The following RNF14 variants were observed in gnomAD, a reference collection of about 807,000 sequenced individuals.
The protein encoded by RNF14 is E3 ubiquitin-protein ligase RNF14.
Under a neutral mutation model 52.6 loss-of-function variants are expected in RNF14, and 26 were observed. The observed-to-expected ratio is 0.49, with a 90% CI of 0.36 to 0.69. The LOEUF (loss-of-function observed/expected upper bound fraction) is 0.69. Among genes scored for constraint, RNF14 ranks in the 30% least tolerant of loss-of-function variants. The probability of loss-of-function intolerance (pLI) is 0.00; values close to 1 mark genes in which losing one functional copy is unlikely to be tolerated. For synonymous variants in RNF14, 194 were observed against 202.0 expected (o/e 0.96, Z 0.34); for missense variants, 404 against 560.4 (o/e 0.72, Z 2.82).
At chr5:141,949,559 G>A in the RNF14 span, 1 of 1,614,034 alleles carries the variant, frequency 6.2e-7, no homozygotes, top group Non-Finnish European at 8.5e-7. Flanking sequence ...TTGCACTTGG[G>A]CCATCTGTGT....
Position 141,980,296 on chromosome 5 carries a change from C to T in RNF14, c.1008C>T (p.Phe336=). The T allele has an allele frequency of 6.2e-7, 1 of 1,614,234 alleles. No individual in the cohort carries two copies. The highest frequency in any genetic ancestry group is 8.5e-7 in the Non-Finnish European group (1 of 1,180,044). The change falls in exon 6 of 9, where the codon TTC becomes TTT. Residue 336 remains phenylalanine (F), a synonymous_variant. Transcript: ENST00000394520. The part of the protein sequence containing the change: ...MGICSSCNFA[F]CTLCRLTYHG... ...TCTGCTCCAGCTGCAATTTTGCCTT[C>T]TGTACTTTGTGCAGGTTGACCTACC...
intron 4 of RNF14, among the ~76,000 whole-genome samples, chr5:141,976,776 C>CTTTTTT (rs70991717): frequency 1.0e-5 from 1 of 100,080 alleles, no homozygotes; most frequent in African/African-American, 4.0e-5. Context: ...CTTTCTCTCT[C>CTTTTTT]TTTTTTTTTT....
At chr5:141,967,160 T>C (rs1753371361), upstream of RNF14, among the ~76,000 whole-genome samples, 1 of 152,234 alleles carries the variant, frequency 6.6e-6, no homozygotes, top group African/African-American at 2.4e-5. Context: ...TTGGGTGCCC[T>C]GATTTACTCA....
intron 7 of RNF14, among the ~76,000 whole-genome samples, chr5:141,984,419 CT>C (rs1330095445): frequency 2.6e-5 from 4 of 152,100 alleles, no homozygotes; most frequent in Non-Finnish European, 5.9e-5. Flanking sequence ...TTTGACATAC[CT>C]TAGCCCTATG....
chr5:141,957,635 G>T, upstream of RNF14: 1 of 1,614,206 alleles, frequency 6.2e-7, no homozygotes, highest in Non-Finnish European at 8.5e-7. This position sits in a 1 kb window ranked among gnomAD's most constrained non-coding sequence, Gnocchi z 4.3. Context: ...GGGAGCGCCT[G>T]AGGCAGCTGC....
intron 7 of RNF14, 143 bp from the exon 8 acceptor site, chr5:141,984,660 C>T: frequency 1.6e-6 from 1 of 615,210 alleles, no homozygotes; most frequent in Non-Finnish European, 2.8e-6. Flanking sequence ...ATTACATAGT[C>T]ATCAGTGTGT....
At chr5:141,984,425 C>G (rs1187769238) in intron 7 of RNF14, among the ~76,000 whole-genome samples, 2 of 152,056 alleles carry the variant, frequency 1.3e-5, no homozygotes, top group African/African-American at 2.4e-5. Flanking sequence ...ATACCTTAGC[C>G]CTATGACAGA....
chr5:141,957,600 G>T, upstream of RNF14: 1 of 1,614,220 alleles, frequency 6.2e-7, no homozygotes. The surrounding 1 kb of genome is among the most constrained non-coding windows in gnomAD (Gnocchi z 4.3). Context: ...TGCTGAGCAA[G>T]CCTTCCTCAG....
chr5:141,958,161 G>T, upstream of RNF14: 1 of 336,744 alleles, frequency 3.0e-6, no homozygotes, highest in Non-Finnish European at 5.4e-6. Context: ...ACCTGACCCA[G>T]TTGAGCAGGA....
At position 141,981,083 on chromosome 5, in the gene RNF14, C is replaced by T. The variant is rs145714451; in HGVS notation, c.1063+732C>T. Among the ~76,000 whole-genome samples, 838 of 152,270 alleles carry T rather than the reference C, an allele frequency of 5.5e-3. 9 individuals carry two copies. The highest frequency in any genetic ancestry group is 0.019 in the African/African-American group (805 of 41,552). Reference sequence around the variant, plus strand: ...CTTTGGTGGCTTAGTCTTCTTCAGACTAACAGGGATAATGATAACAGCTAC... The same window carrying T: ...CTTTGGTGGCTTAGTCTTCTTCAGATTAACAGGGATAATGATAACAGCTAC... On this transcript the variant is annotated intron_variant, in intron 6 of 8. Transcript: ENST00000394520.
rs918301798 is a variant in RNF14, at chr5:141,972,213, A to G, written c.-7+1336A>G. ...TTGCCTCCAACCCCCATCCTGCCCCAGGACCTGGCGCTATTTGGAGATATT... is the reference window on the plus strand; with the variant it reads ...TTGCCTCCAACCCCCATCCTGCCCCGGGACCTGGCGCTATTTGGAGATATT... On this transcript the variant is annotated intron_variant, in intron 2 of 8. Transcript: ENST00000394520. Among the ~76,000 whole-genome samples, 21 of 147,810 alleles carry G rather than the reference A, an allele frequency of 1.4e-4. 1 individual carries two copies. Among genetic ancestry groups the G allele is most frequent in the Non-Finnish European group, 1.5e-5 (1 of 67,508 alleles).
At chr5:141,979,819 G>C (rs759291125) in intron 5 of RNF14, among the ~76,000 whole-genome samples, 1 of 152,158 alleles carries the variant, frequency 6.6e-6, no homozygotes, top group Non-Finnish European at 1.5e-5. Flanking sequence ...GAGCCCAGGA[G>C]TTCAAGGCTG....
upstream of RNF14, among the ~76,000 whole-genome samples, chr5:141,966,189 G>A (rs543471140): frequency 2.0e-5 from 3 of 152,046 alleles, no homozygotes; most frequent in Non-Finnish European, 4.4e-5. Context: ...GCTGAGGCAC[G>A]AGAATCGCTT....
chr5:141,957,049 G>T, upstream of RNF14: 1 of 1,614,164 alleles, frequency 6.2e-7, no homozygotes, highest in Non-Finnish European at 8.5e-7. This position sits in a 1 kb window ranked among gnomAD's most constrained non-coding sequence, Gnocchi z 4.3. Flanking sequence ...AGGGTCTGTG[G>T]CGGTCAGTTT....
At position 141,989,889 on chromosome 5, in the gene RNF14, T is replaced by C. The variant is rs1755500845; in HGVS notation, c.*2099T>C. On this transcript the variant is annotated 3_prime_UTR_variant, in exon 9 of 9. Coordinates refer to ENST00000394520, the MANE Select transcript of RNF14 (RefSeq NM_004290.5). ...ACTTGATATTTTCTAGAGATCATTT[T>C]ATGTTAAGCTGTTATACATTGTTGA... The C allele has an allele frequency of 6.6e-6, 1 of 152,182 alleles. No homozygotes were observed. 9.4% of individuals were successfully genotyped at this position (152,182 alleles called of 1,614,324 possible). A position where few individuals can be genotyped will look rare whatever the true frequency, so the allele number is the denominator to read the frequency against.
At chr5:141,974,369 A>G (rs373868096) in intron 3 of RNF14, among the ~76,000 whole-genome samples, 1 of 152,200 alleles carries the variant, frequency 6.6e-6, no homozygotes, top group Non-Finnish European at 1.5e-5. Flanking sequence ...AATTTTCCCA[A>G]CTGATTCATG....
chr5:141,972,941 G>A (rs994356267), intron 2 of RNF14, among the ~76,000 whole-genome samples: 4 of 152,088 alleles, frequency 2.6e-5, no homozygotes, highest in African/African-American at 9.7e-5. Flanking sequence ...TTGCGAACCA[G>A]GCACATTGCT....
rs1755418827 is a variant in RNF14, at chr5:141,988,420, A to G, written c.*630A>G. The G allele has an allele frequency of 1.3e-5, 2 of 152,324 alleles. No homozygotes were observed. The highest frequency in any genetic ancestry group is 1.3e-4 in the Admixed American group (2 of 15,284). 9.4% of individuals were successfully genotyped at this position (152,324 alleles called of 1,614,324 possible). The stretch of plus-strand genomic sequence containing the variant: ...AAATATATGTTTTAATACCACAAAC[A>G]CTGTGGGGCACTTGATATTTATTAG... On this transcript the variant is annotated 3_prime_UTR_variant, in exon 9 of 9. Coordinates refer to ENST00000394520, the MANE Select transcript of RNF14 (RefSeq NM_004290.5).
In RNF14 at chr5:141,973,673, G is replaced by C. The variant is rs1272847536; in HGVS notation, c.85G>C (p.Glu29Gln). Residue 29 changes from glutamate (E) to glutamine (Q), a missense_variant, in exon 3 of 9, where the codon GAG becomes CAG. Coordinates refer to ENST00000394520, the MANE Select transcript of RNF14 (RefSeq NM_004290.5). ...IYDGDEFRKA[E>Q]SVQGGETRIY... ...CGATGGAGATGAATTTAGAAAAGCA[G>C]AGTCTGTCCAAGGTGGAGAAACCAG... 2 of 1,613,928 alleles carry C rather than the reference G, an allele frequency of 1.2e-6. No homozygotes were observed. Among genetic ancestry groups the C allele is most frequent in the African/African-American group, 1.3e-5 (1 of 75,050 alleles).
Sources: gnomAD v4.1 joint callset for allele counts (sites outside exome capture counted in the v4.1 genomes callset) on GRCh38, gnomAD v4.1.1 for gene constraint, Gnocchi (gnomAD v3.1) non-coding constraint, MANE v1.5 for transcripts, NCBI Gene and HGNC (gene_info 2026-07-23, HGNC 2026-07-21) for gene names.